Variants in SWT1 observed in about 807,000 individuals in gnomAD.
The protein encoded by SWT1 is transcriptional protein SWT1.
In SWT1, 33 loss-of-function variants were observed where a neutral mutation model predicts 107.3. The ratio of observed to expected loss-of-function variants is 0.31; its 90% CI spans 0.23 to 0.41. The LOEUF is 0.41. Ranked by LOEUF, SWT1 falls within the 10% of genes least tolerant of loss-of-function variation. The pLI, the probability that SWT1 is intolerant of heterozygous loss-of-function variation, is 1.00. For missense variants in SWT1, 898 were observed against 1,028.9 expected (o/e 0.87, Z 1.74); for synonymous variants, 345 against 348.3 (o/e 0.99, Z 0.11).
At chr1:185,209,330 C>G (rs180967469) in intron 13 of SWT1, among the ~76,000 whole-genome samples, 2 of 152,222 alleles carry the variant, frequency 1.3e-5, no homozygotes, top group Admixed American at 6.5e-5. Flanking sequence ...CTGCACCCAT[C>G]AACCCATCAT....
chr1:185,254,758 G>GT (rs1183430582), intron 16 of SWT1, among the ~76,000 whole-genome samples: 2 of 150,096 alleles, frequency 1.3e-5, no homozygotes, highest in African/African-American at 2.4e-5. Flanking sequence ...TTTTTGAAGG[G>GT]TTTTTTGTGT....
At chr1:185,170,679 T>C (rs1412062440) in intron 4 of SWT1, among the ~76,000 whole-genome samples, 2 of 152,220 alleles carry the variant, frequency 1.3e-5, no homozygotes, top group Non-Finnish European at 1.5e-5. Context: ...AAACTCATTC[T>C]TGTACGCATT....
chr1:185,235,543 G>A (rs989055527), intron 16 of SWT1, among the ~76,000 whole-genome samples: 9 of 152,076 alleles, frequency 5.9e-5, no homozygotes, highest in Non-Finnish European at 1.3e-4. Context: ...CAGTAAACTC[G>A]GTATTGATAC....
intron 18 of SWT1, among the ~76,000 whole-genome samples, chr1:185,288,423 A>T (rs1665070069): frequency 6.6e-6 from 1 of 152,108 alleles, no homozygotes; most frequent in African/African-American, 2.4e-5. Flanking sequence ...AAGAAGTGAC[A>T]TTATTCCAAA....
In SWT1 at chr1:185,174,643, G is replaced by C; in HGVS notation, c.496G>C (p.Gly166Arg). The stretch of plus-strand genomic sequence containing the variant: ...CAGTGATGTGAAACCTAAAGCCGAA[G>C]GCCAGGCAAGTGAAAATAAATGGTC... ...IASDVKPKAE[G>R]QASENKWSHL... Residue 166 changes from glycine (G) to arginine (R), a missense_variant, in exon 5 of 19, where the codon GGC becomes CGC. Gly to Arg is a moderately radical substitution (Grantham distance 125, BLOSUM62 -2). Coordinates refer to ENST00000367500, the MANE Select transcript of SWT1 (RefSeq NM_017673.7). 1 of 1,613,582 alleles carries C rather than the reference G, an allele frequency of 6.2e-7. No homozygotes were observed.
At chr1:185,203,027 A>T (rs1192853904) in intron 11 of SWT1, among the ~76,000 whole-genome samples, 1 of 152,200 alleles carries the variant, frequency 6.6e-6, no homozygotes, top group African/African-American at 2.4e-5. Flanking sequence ...AATTAATTTG[A>T]TGTTTTTGTC....
chr1:185,159,048 T>C (rs1653910533), intron 1 of SWT1, among the ~76,000 whole-genome samples: 1 of 152,204 alleles, frequency 6.6e-6, no homozygotes, highest in South Asian at 2.1e-4. Flanking sequence ...TTCCATGGGC[T>C]GTTTGAGTGT....
At chr1:185,220,747 A>G (rs1259202652) in intron 14 of SWT1, among the ~76,000 whole-genome samples, 1 of 152,220 alleles carries the variant, frequency 6.6e-6, no homozygotes, top group Non-Finnish European at 1.5e-5. Flanking sequence ...TAGCTTTACA[A>G]CAAGAGGCCA....
chr1:185,200,864 C>T lies in SWT1; in HGVS notation c.1524-1790C>T, dbSNP rs118138827. Among the ~76,000 whole-genome samples the T allele has an allele frequency of 5.9e-3, 898 of 152,300 alleles. 32 individuals are homozygous for T. In the East Asian group the frequency reaches 0.095, roughly 16 times the overall value. The stretch of plus-strand genomic sequence containing the variant: ...ACTGTGCCCACAGCCGCAGCTTCCC[C>T]CAGGTGCTCTGTCCCAGGGAGATAG... On this transcript the variant is annotated intron_variant, in intron 10 of 18. Coordinates refer to ENST00000367500, the MANE Select transcript of SWT1 (RefSeq NM_017673.7).
intron 2 of SWT1, among the ~76,000 whole-genome samples, 159 bp from the exon 3 acceptor site, chr1:185,166,409 CCCTT>C (rs1304238626): frequency 1.3e-5 from 2 of 152,216 alleles, no homozygotes; most frequent in Non-Finnish European, 2.9e-5. Flanking sequence ...AGTTGAATCT[CCCTT>C]CCTTTTACCA....
In SWT1 at chr1:185,187,850, G is replaced by C. The variant is rs577955813; in HGVS notation, c.1430-2699G>C. On this transcript the variant is annotated intron_variant, in intron 9 of 18. Transcript: ENST00000367500. The stretch of plus-strand genomic sequence containing the variant: ...ATTACAGGCATGTGCCACCATGCCC[G>C]GCTAATTTTTTAAGATATTTTTAGT... 3.9e-5 allele frequency among the ~76,000 whole-genome samples: 6 copies of C among 151,948 alleles called. No individual in the cohort carries two copies. The East Asian group carries it at 1.2e-3, about 29-fold the overall frequency.
At chr1:185,251,236 C>G (rs796689871) in intron 16 of SWT1, 1 of 152,178 alleles carries the variant, frequency 6.6e-6, no homozygotes, top group Non-Finnish European at 1.5e-5. Context: ...TGCCACCTAA[C>G]TTCTTTCTGT....
intron 10 of SWT1, among the ~76,000 whole-genome samples, chr1:185,199,575 ACT>A (rs1657693263): frequency 6.6e-6 from 1 of 151,862 alleles, no homozygotes; most frequent in South Asian, 2.1e-4. Context: ...ATTGGCCCCC[ACT>A]CTCTTCTGGC....
intron 16 of SWT1, chr1:185,266,768 TG>T (rs1307106124): frequency 6.6e-6 from 1 of 152,136 alleles, no homozygotes; most frequent in East Asian, 1.9e-4. Flanking sequence ...TAATTGTTCA[TG>T]GATAAATAGA....
intron 16 of SWT1, chr1:185,264,338 C>G: frequency 1.0e-6 from 1 of 984,858 alleles, no homozygotes; most frequent in Non-Finnish European, 1.2e-6. Context: ...AGACCATTAC[C>G]GTTCATATGG....
intron 10 of SWT1, among the ~76,000 whole-genome samples, chr1:185,196,940 T>G (rs1278537667): frequency 6.6e-6 from 1 of 152,174 alleles, no homozygotes; most frequent in Non-Finnish European, 1.5e-5. Context: ...TGAGTACCCT[T>G]TATTTCTTTC....
At chr1:185,248,263 AAAC>A (rs1296624002) in intron 16 of SWT1, among the ~76,000 whole-genome samples, 3 of 151,818 alleles carry the variant, frequency 2.0e-5, no homozygotes, top group South Asian at 2.1e-4. Context: ...ACTAATATGC[AAAC>A]AACAATGTTC....
At chr1:185,231,806 A>C in intron 16 of SWT1, 98 bp downstream of exon 16, 1 of 860,330 alleles carries the variant, frequency 1.2e-6, no homozygotes, top group Non-Finnish European at 1.8e-6. Context: ...GTCACATAGA[A>C]TAGACCGTGG....
chr1:185,290,265 G>A (rs1449139349), intron 18 of SWT1, among the ~76,000 whole-genome samples: 1 of 151,996 alleles, frequency 6.6e-6, no homozygotes, highest in East Asian at 1.9e-4. Context: ...CAACAGGAGT[G>A]AGACCCTGTC....
Sources: gnomAD v4.1 joint callset for allele counts (sites outside exome capture counted in the v4.1 genomes callset) on GRCh38, gnomAD v4.1.1 for gene constraint, MANE v1.5 for transcripts, NCBI Gene and HGNC (gene_info 2026-07-23, HGNC 2026-07-21) for gene names.